TYW1B: variants seen among roughly 807,000 people sequenced by gnomAD.
TYW1B encodes the protein tRNA-yW synthesizing protein 1 homolog B.
A neutral mutation model predicts 86.9 loss-of-function variants in TYW1B; 73 were observed. That is an observed-to-expected ratio of 0.84 (90% CI 0.70 to 1.02). TYW1B has a LOEUF of 1.02. TYW1B is among the 50% of genes least tolerant of loss of function. The pLI is 0.00. For missense variants in TYW1B, 637 were observed against 827.4 expected (o/e 0.77, Z 2.82); for synonymous variants, 248 against 292.8 (o/e 0.85, Z 1.56).
intron 6 of TYW1B, among the ~76,000 whole-genome samples, chr7:72,781,740 C>G (rs1424328660): frequency 6.6e-6 from 1 of 152,200 alleles, no homozygotes; most frequent in Non-Finnish European, 1.5e-5. Context: ...TCTCCAACCT[C>G]TACTTCCACT....
At chr7:72,693,168 CAGAA>C (rs1222734285) in intron 11 of TYW1B, among the ~76,000 whole-genome samples, 8 of 151,314 alleles carry the variant, frequency 5.3e-5, no homozygotes, top group Non-Finnish European at 8.8e-5. Flanking sequence ...AGAAAAGTGA[CAGAA>C]AGGAAGCAAG....
intron 7 of TYW1B, among the ~76,000 whole-genome samples, chr7:72,761,893 A>G (rs1223709495): frequency 1.3e-5 from 2 of 152,110 alleles, no homozygotes; most frequent in Non-Finnish European, 2.9e-5. Flanking sequence ...GTCCCAGCAC[A>G]TCAACAATGA....
intron 10 of TYW1B, among the ~76,000 whole-genome samples, chr7:72,706,433 A>C (rs1814617500): frequency 3.0e-4 from 3 of 10,084 alleles, no homozygotes; most frequent in Non-Finnish European, 8.7e-4. Flanking sequence ...TCCATCTCCA[A>C]AAAAAAAAAA....
intron 7 of TYW1B, among the ~76,000 whole-genome samples, chr7:72,746,130 C>T (rs1787390032): frequency 6.6e-6 from 1 of 152,004 alleles, no homozygotes; most frequent in Non-Finnish European, 1.5e-5. Context: ...TCCCAAGGTA[C>T]TGTTATTAAT....
chr7:72,807,741 G>A (rs1396696860), intron 4 of TYW1B, among the ~76,000 whole-genome samples: 4 of 152,044 alleles, frequency 2.6e-5, no homozygotes, highest in African/African-American at 4.8e-5. Flanking sequence ...AGCCTATTCC[G>A]TTATAAAATG....
intron 13 of TYW1B, among the ~76,000 whole-genome samples, chr7:72,587,449 G>T (rs1195998439): frequency 2.6e-5 from 4 of 152,228 alleles, no homozygotes; most frequent in African/African-American, 7.2e-5. Context: ...CTTGGTGGGT[G>T]GGGGGAAGCC....
chr7:72,676,543 G>A (rs1202238511), intron 11 of TYW1B, among the ~76,000 whole-genome samples: 10 of 152,198 alleles, frequency 6.6e-5, no homozygotes, highest in African/African-American at 7.2e-5. Context: ...TGCCATACCT[G>A]GGCAGGGTGG....
chr7:72,689,886 ATGTT>A (rs1363590447), intron 11 of TYW1B, among the ~76,000 whole-genome samples: 1 of 152,188 alleles, frequency 6.6e-6, no homozygotes, highest in Non-Finnish European at 1.5e-5. Flanking sequence ...CAAATGTGAA[ATGTT>A]TGTTTTTTAA....
At chr7:72,784,144 GA>G (rs34367024) in intron 6 of TYW1B, among the ~76,000 whole-genome samples, 15 of 147,404 alleles carry the variant, frequency 1.0e-4, no homozygotes, top group African/African-American at 1.7e-4. Context: ...ATTTACTGCA[GA>G]AAAAAAAAAA....
chr7:72,818,570 C>G (rs1788768434), intron 2 of TYW1B, among the ~76,000 whole-genome samples: 1 of 121,398 alleles, frequency 8.2e-6, no homozygotes, highest in South Asian at 2.8e-4. Flanking sequence ...CTAAGCGAGA[C>G]TCCATCTCAA....
At chr7:72,669,135 T>C (rs1398307227) in intron 11 of TYW1B, among the ~76,000 whole-genome samples, 5 of 27,154 alleles carry the variant, frequency 1.8e-4, no homozygotes, top group African/African-American at 4.0e-4. Flanking sequence ...AATTTTAAAC[T>C]TTTTTTTTTT....
chr7:72,612,540 A>C (rs1467966302), intron 13 of TYW1B, among the ~76,000 whole-genome samples: 1 of 152,168 alleles, frequency 6.6e-6, no homozygotes, highest in Non-Finnish European at 1.5e-5. Flanking sequence ...ATAGCTTATC[A>C]GGTGCAAAGG....
intron 11 of TYW1B, among the ~76,000 whole-genome samples, chr7:72,637,632 G>T (rs1585867022): frequency 6.9e-6 from 1 of 145,816 alleles, no homozygotes; most frequent in Admixed American, 6.8e-5. Flanking sequence ...CTTAATTTCT[G>T]CTCTTTTTGT....
chr7:72,590,908 T>C lies in TYW1B; in HGVS notation c.1786-15189A>G, dbSNP rs183663486. On this transcript the variant is annotated intron_variant, in intron 13 of 13. Transcript: ENST00000620995. ...GAAACAGACTTTAAAACAGCCATCT[T>C]AAAGATGCTCTAAAAACTACAGGAA... is the stretch of plus-strand genomic sequence containing the variant. Among the ~76,000 whole-genome samples, 104 of 152,306 alleles carry C rather than the reference T, an allele frequency of 6.8e-4. 1 individual carries two copies. The highest frequency in any genetic ancestry group is 1.1e-3 in the Non-Finnish European group (76 of 68,032).
chr7:72,785,185 C>G (rs545005906), intron 6 of TYW1B, among the ~76,000 whole-genome samples: 232 of 151,982 alleles, frequency 1.5e-3, no homozygotes, highest in African/African-American at 5.3e-3. Flanking sequence ...GATAGTACTA[C>G]AGAGAGAGGG....
At chr7:72,703,024 A>ATT (rs1248439397) in intron 10 of TYW1B, among the ~76,000 whole-genome samples, 4 of 8,150 alleles carry the variant, frequency 4.9e-4, no homozygotes, top group South Asian at 9.4e-3. Flanking sequence ...ATATATATAT[A>ATT]TATTTTTTTT....
intron 13 of TYW1B, among the ~76,000 whole-genome samples, chr7:72,581,722 A>G (rs1811157004): frequency 6.6e-6 from 1 of 151,866 alleles, no homozygotes; most frequent in Non-Finnish European, 1.5e-5. Flanking sequence ...AATGACCATC[A>G]GCCACCTCAG....
At chr7:72,625,644 C>G (rs543609730) in intron 12 of TYW1B, among the ~76,000 whole-genome samples, 1 of 147,912 alleles carries the variant, frequency 6.8e-6, no homozygotes, top group Non-Finnish European at 1.5e-5. Context: ...TCTGGGCAAC[C>G]GAGCAAGACT....
intron 4 of TYW1B, among the ~76,000 whole-genome samples, chr7:72,809,999 C>CAA (rs59099398): frequency 2.2e-4 from 17 of 75,938 alleles, no homozygotes; most frequent in Non-Finnish European, 3.5e-4. Context: ...ACTCTGTTTC[C>CAA]AAAAAAAAAA....
Sources: allele counts gnomAD v4.1 joint callset (sites outside exome capture counted in the v4.1 genomes callset), GRCh38; gene constraint gnomAD v4.1.1; transcripts MANE v1.5; gene names NCBI Gene and HGNC (gene_info 2026-07-23, HGNC 2026-07-21).